DENND2A: variants seen among roughly 807,000 people sequenced by gnomAD.
DENND2A encodes DENN domain containing 2A, also known as DENN domain-containing protein 2A.
A neutral mutation model predicts 105.3 loss-of-function variants in DENND2A; 53 were observed. That is an observed-to-expected ratio of 0.50 (90% confidence interval 0.40 to 0.63). DENND2A has a LOEUF of 0.63. DENND2A is among the 30% of genes least tolerant of loss of function. The pLI is 0.00. For missense variants in DENND2A, 1,138 were observed against 1,279.6 expected (o/e 0.89, Z 1.69); for synonymous variants, 522 against 508.4 (o/e 1.03, Z -0.36).
In DENND2A at chr7:140,566,806, C is replaced by T. The variant is rs184978285; in HGVS notation, c.1779+280G>A. ...GGTTCAAGCGATTCTCCTGTCTCAGCCTGAGTAGCTGGGACTGCAGGTGTG... is the reference window on the plus strand; with the variant it reads ...GGTTCAAGCGATTCTCCTGTCTCAGTCTGAGTAGCTGGGACTGCAGGTGTG... On this transcript the variant is annotated intron_variant, in intron 9 of 19. Transcript: ENST00000496613. Among the ~76,000 whole-genome samples the T allele has an allele frequency of 2.0e-5, 3 of 150,894 alleles. No individual in the cohort carries two copies. In the Admixed American group the frequency reaches 2.0e-4, roughly 10 times the overall value.
At chr7:140,598,666 G>C (rs374424714) in intron 3 of DENND2A, among the ~76,000 whole-genome samples, 1 of 151,642 alleles carries the variant, frequency 6.6e-6, no homozygotes, top group Non-Finnish European at 1.5e-5. Flanking sequence ...TAAATACAAA[G>C]ACCATATGAG....
intron 6 of DENND2A, among the ~76,000 whole-genome samples, chr7:140,570,110 G>C (rs916935843): frequency 2.0e-5 from 3 of 152,110 alleles, no homozygotes; most frequent in Non-Finnish European, 4.4e-5. Context: ...GGCCAGGCTG[G>C]TCTCGAACTC....
chr7:140,607,989 C>A (rs1025127915), intron 1 of DENND2A, among the ~76,000 whole-genome samples: 4 of 152,118 alleles, frequency 2.6e-5, no homozygotes, highest in East Asian at 1.9e-4. Context: ...TCCTGTAACT[C>A]CCCCCATGCC....
In DENND2A at chr7:140,532,603, A is replaced by G. The variant is rs1331663623; in HGVS notation, c.2328-5108T>C. 4.6e-5 allele frequency among the ~76,000 whole-genome samples: 7 copies of G among 152,188 alleles called. No individual in the cohort carries two copies. In the East Asian group the frequency reaches 1.3e-3, roughly 29 times the overall value. ...TCAGTTTCTTTTGGATTTTTAAGGT[A>G]GGAAGAGTGAGGCTAAATGAGGCTA... On this transcript the variant is annotated intron_variant, in intron 14 of 19. Coordinates refer to ENST00000496613, the MANE Select transcript of DENND2A (RefSeq NM_015689.5).
chr7:140,561,496 G>GTCTTTTTTTTTTTTTTTTTTTTTTTT (rs1797610817), intron 9 of DENND2A, among the ~76,000 whole-genome samples: 1 of 122,234 alleles, frequency 8.2e-6, no homozygotes, highest in Non-Finnish European at 1.7e-5. Flanking sequence ...TCTTTCTGTT[G>GTCTTTTTTTTTTTTTTTTTTTTTTTT]TCTTTTTTTT....
At chr7:140,597,229 C>T (rs1799318011) in intron 3 of DENND2A, among the ~76,000 whole-genome samples, 1 of 152,180 alleles carries the variant, frequency 6.6e-6, no homozygotes. Context: ...AATAATTGGC[C>T]TATGAAAATA....
At chr7:140,641,245 G>C (rs1000133761), upstream of DENND2A, among the ~76,000 whole-genome samples, 3 of 152,094 alleles carry the variant, frequency 2.0e-5, no homozygotes, top group Admixed American at 6.5e-5. Flanking sequence ...TCGGGCCGGG[G>C]TAATGACAGT....
intron 11 of DENND2A, among the ~76,000 whole-genome samples, chr7:140,557,837 C>T (rs1277284208): frequency 2.0e-5 from 3 of 151,604 alleles, no homozygotes; most frequent in East Asian, 2.0e-4. Context: ...CGCGCCCGGC[C>T]GTATATATTT....
intron 5 of DENND2A, among the ~76,000 whole-genome samples, chr7:140,578,547 C>A (rs994429182): frequency 6.6e-6 from 1 of 152,134 alleles, no homozygotes; most frequent in African/African-American, 2.4e-5. Context: ...CACATTCTTG[C>A]ATGAAAAAAG....
At chr7:140,615,904 A>G (rs542786706) in intron 1 of DENND2A, among the ~76,000 whole-genome samples, 101 of 152,228 alleles carry the variant, frequency 6.6e-4, no homozygotes, top group Non-Finnish European at 1.2e-3. Context: ...ATAACTGGAT[A>G]AACAAAAGTG....
At chr7:140,531,854 T>C (rs1215575768) in intron 14 of DENND2A, among the ~76,000 whole-genome samples, 2 of 147,270 alleles carry the variant, frequency 1.4e-5, no homozygotes, top group African/African-American at 2.5e-5. Context: ...AAAACAACTA[T>C]CTGTGTGTGT....
chr7:140,570,832 A>G lies in DENND2A; in HGVS notation c.1447-1094T>C, dbSNP rs549853199. Reference sequence around the variant, plus strand: ...GAAAGGAGACCTGCTTCCATGGAAAATGTTTTTCATATTTCAGACCAAAAA... The same window carrying G: ...GAAAGGAGACCTGCTTCCATGGAAAGTGTTTTTCATATTTCAGACCAAAAA... On this transcript the variant is annotated intron_variant, in intron 6 of 19. Coordinates refer to ENST00000496613, the MANE Select transcript of DENND2A (RefSeq NM_015689.5). Among the ~76,000 whole-genome samples the G allele has an allele frequency of 3.9e-5, 6 of 152,290 alleles. No individual in the cohort carries two copies. In the East Asian group the frequency reaches 1.2e-3, roughly 29 times the overall value.
intron 1 of DENND2A, among the ~76,000 whole-genome samples, chr7:140,625,117 C>T (rs1800469527): frequency 6.6e-6 from 1 of 152,156 alleles, no homozygotes; most frequent in South Asian, 2.1e-4. Flanking sequence ...TGGCTCATGC[C>T]TGTAATCCCA....
intron 9 of DENND2A, among the ~76,000 whole-genome samples, chr7:140,566,654 A>G (rs906234283): frequency 1.3e-5 from 2 of 150,394 alleles, no homozygotes; most frequent in Non-Finnish European, 2.9e-5. Flanking sequence ...CAGGGACCAC[A>G]GCAAGTGAGA....
At chr7:140,606,564 C>T (rs1333482643) in intron 1 of DENND2A, among the ~76,000 whole-genome samples, 1 of 152,148 alleles carries the variant, frequency 6.6e-6, no homozygotes, top group Admixed American at 6.5e-5. Flanking sequence ...GATACTCTAC[C>T]CTTCTGCGAA....
intron 1 of DENND2A, among the ~76,000 whole-genome samples, chr7:140,633,774 C>A (rs1017467962): frequency 6.6e-6 from 1 of 151,974 alleles, no homozygotes; most frequent in Non-Finnish European, 1.5e-5. Context: ...ACACGGAAGA[C>A]AATCTATAAA....
intron 3 of DENND2A, among the ~76,000 whole-genome samples, chr7:140,590,560 C>A (rs1408213396): frequency 6.6e-6 from 1 of 151,846 alleles, no homozygotes. Context: ...TTTCCAAGAA[C>A]AAGATGCTAA....
Position 140,568,783 on chromosome 7 carries a change from T to C in DENND2A, c.1571A>G (p.Asp524Gly), listed in dbSNP as rs1252037156. ...VTDENSESDS[D>G]TEEKLKAHSQ... Reference sequence around the variant, plus strand: ...CTCACCTTTCAGCTTCTCCTCTGTGTCACTGTCAGACTCACTGTTCTCATC... The same window carrying C: ...CTCACCTTTCAGCTTCTCCTCTGTGCCACTGTCAGACTCACTGTTCTCATC... The change falls in exon 8 of 20, where the codon GAC becomes GGC. Residue 524 changes from aspartate to glycine, a missense_variant. Around this residue, in one of 2 missense-constraint regions of DENND2A, gnomAD observed 627 missense variants for 779.8 expected, o/e 0.80. Transcript: ENST00000496613. The C allele has an allele frequency of 1.2e-6, 2 of 1,614,044 alleles. No individual in the cohort carries two copies. The highest frequency in any genetic ancestry group is 1.7e-6 in the Non-Finnish European group (2 of 1,180,024).
At chr7:140,571,245 G>A (rs999830066) in intron 6 of DENND2A, among the ~76,000 whole-genome samples, 1 of 151,986 alleles carries the variant, frequency 6.6e-6, no homozygotes, top group African/African-American at 2.4e-5. Flanking sequence ...CACAACCTCC[G>A]ACTCCCGGTT....
Sources: gnomAD v4.1 joint callset for allele counts (sites outside exome capture counted in the v4.1 genomes callset) on GRCh38, gnomAD v4.1.1 for gene constraint, gnomAD v4.1.1 regional missense constraint, MANE v1.5 for transcripts, NCBI Gene and HGNC (gene_info 2026-07-23, HGNC 2026-07-21) for gene names.